BIN3: variants seen among roughly 807,000 people sequenced by gnomAD.
BIN3 encodes bridging integrator 3.
In BIN3, 41 loss-of-function variants were observed where a neutral mutation model predicts 38.2. That is an observed-to-expected ratio of 1.07 (90% CI 0.84 to 1.39). The LOEUF is 1.39. Ranked by LOEUF, BIN3 falls within the 40% of genes most tolerant of loss-of-function variation. BIN3 has a pLI of 0.00. For missense variants in BIN3, 361 were observed against 324.3 expected (o/e 1.11, Z -0.87); for synonymous variants, 145 against 122.6 (o/e 1.18, Z -1.21).
At chr8:22,667,252 C>T (rs559267786) in intron 1 of BIN3, among the ~76,000 whole-genome samples, 4 of 152,260 alleles carry the variant, frequency 2.6e-5, no homozygotes, top group South Asian at 2.1e-4. Context: ...TTGTCAATCT[C>T]AATTCTCTCC....
chr8:22,636,874 C>T (rs759752621), intron 3 of BIN3, 48 bp downstream of exon 3: 4 of 1,586,378 alleles, frequency 2.5e-6, no homozygotes, highest in Middle Eastern at 3.3e-4. Context: ...GCAGGGGGCC[C>T]TTGTCCCTCC....
chr8:22,625,452 G>A lies in BIN3; in HGVS notation c.339-1089C>T, dbSNP rs202182985. 17 of 701,908 alleles carry A rather than the reference G, an allele frequency of 2.4e-5. No homozygotes were observed. In the East Asian group the frequency reaches 3.5e-4, roughly 14 times the overall value. 43.5% of individuals were successfully genotyped at this position (701,908 alleles called of 1,614,324 possible). Reference sequence around the variant, plus strand: ...GAGGAACCCAGAGAGGAGGAAAGACGAGGGCAGGAAGCAGTTACTGAGACT... The same window carrying A: ...GAGGAACCCAGAGAGGAGGAAAGACAAGGGCAGGAAGCAGTTACTGAGACT... On this transcript the variant is annotated intron_variant, in intron 6 of 8. Coordinates refer to ENST00000276416, the MANE Select transcript of BIN3 (RefSeq NM_018688.6).
At chr8:22,663,828 A>T (rs931583920) in intron 1 of BIN3, among the ~76,000 whole-genome samples, 2 of 152,156 alleles carry the variant, frequency 1.3e-5, no homozygotes, top group Non-Finnish European at 2.9e-5. Flanking sequence ...CTCCCACTGA[A>T]ACAGCACGTA....
intron 1 of BIN3, among the ~76,000 whole-genome samples, chr8:22,645,186 G>A (rs1006840555): frequency 7.3e-5 from 11 of 150,086 alleles, no homozygotes; most frequent in Admixed American, 5.3e-4. Context: ...AAAAAAATCC[G>A]CTGGGTATGG....
At chr8:22,650,168 T>C (rs1802846295) in intron 1 of BIN3, among the ~76,000 whole-genome samples, 1 of 152,214 alleles carries the variant, frequency 6.6e-6, no homozygotes, top group Non-Finnish European at 1.5e-5. Context: ...TAGGTAAATC[T>C]TGGTGTGCAC....
Position 22,621,303 on chromosome 8 carries a change from C to T in BIN3, c.*119G>A, listed in dbSNP as rs183928789. ...GGAAGAGTCATTCATTGCAAAGGGC[C>T]GGCAAGTGAACCAGGGCCACCTCTG... is the stretch of plus-strand genomic sequence containing the variant. On this transcript the variant is annotated 3_prime_UTR_variant, in exon 9 of 9. Transcript: ENST00000276416. The T allele has an allele frequency of 2.7e-4, 370 of 1,347,432 alleles. No homozygotes were observed. In the Middle Eastern group the frequency reaches 5.9e-3, roughly 22 times the overall value. The allele number at this position is 1,347,432 out of a possible 1,614,324, so 83.5% of individuals were successfully genotyped here.
intron 4 of BIN3, among the ~76,000 whole-genome samples, chr8:22,633,287 C>T (rs4072394): frequency 0.61 from 92,318 of 151,872 alleles, 29,457 homozygotes; most frequent in South Asian, 0.73. Flanking sequence ...CTGGATGACA[C>T]AGTGTGACTC....
chr8:22,629,340 C>CT (rs1248583364), intron 6 of BIN3, among the ~76,000 whole-genome samples: 3 of 152,110 alleles, frequency 2.0e-5, no homozygotes, highest in Non-Finnish European at 1.5e-5. Flanking sequence ...TGATTCGGGG[C>CT]TTTAAGGCAC....
rs149987708 is a variant in BIN3 at position 22,629,608 on chromosome 8, G to A, written c.338+356C>T. ...AAGATGAAAGGCCTTGCTCATGTCC[G>A]CTGAGGGCTGGCCAAGATCTCTGCT... On this transcript the variant is annotated intron_variant, in intron 6 of 8. Coordinates refer to ENST00000276416, the MANE Select transcript of BIN3 (RefSeq NM_018688.6). 3.1e-3 allele frequency: 986 copies of A among 315,760 alleles called. 5 individuals are homozygous for A. Among genetic ancestry groups the A allele is most frequent in the Middle Eastern group, 5.7e-3 (6 of 1,052 alleles). The allele number at this position is 315,760 out of a possible 1,614,324, so 19.6% of individuals were successfully genotyped here. A position where few individuals can be genotyped will look rare whatever the true frequency, so the allele number is the denominator to read the frequency against.
chr8:22,638,618 T>G (rs1356481585), intron 2 of BIN3, among the ~76,000 whole-genome samples: 1 of 151,994 alleles, frequency 6.6e-6, no homozygotes, highest in Non-Finnish European at 1.5e-5. Flanking sequence ...CCAGAGAGAG[T>G]TGAACACAGA....
intron 1 of BIN3, among the ~76,000 whole-genome samples, chr8:22,652,073 CTT>C (rs1185102405): frequency 2.0e-5 from 3 of 149,596 alleles, no homozygotes; most frequent in African/African-American, 7.4e-5. Flanking sequence ...AAAATGGTAT[CTT>C]ATTTTTATTT....
intron 3 of BIN3, 98 bp from the exon 4 acceptor site, chr8:22,636,684 G>A (rs1032187942): frequency 2.3e-6 from 3 of 1,301,934 alleles, no homozygotes; most frequent in Non-Finnish European, 3.2e-6. Context: ...GGAGGAGAAA[G>A]GGATCTTCTC....
intron 2 of BIN3, among the ~76,000 whole-genome samples, chr8:22,643,781 C>T (rs532519063): frequency 3.9e-5 from 6 of 152,330 alleles, no homozygotes; most frequent in South Asian, 2.1e-4. Context: ...CAAGGAGAAC[C>T]GTCAGGGGCT....
At chr8:22,667,578 G>A (rs1012319249) in intron 1 of BIN3, among the ~76,000 whole-genome samples, 2 of 152,110 alleles carry the variant, frequency 1.3e-5, no homozygotes, top group South Asian at 2.1e-4. Flanking sequence ...CTGAAAGGAC[G>A]TAATTCCTCT....
Position 22,655,171 on chromosome 8 carries a change from C to T in BIN3, c.9-10368G>A, listed in dbSNP as rs538281757. On this transcript the variant is annotated intron_variant, in intron 1 of 8. Transcript: ENST00000276416. ...TTATTGTTGTTGAGTTGTAAGAGTTCTTTATATATTCTGGGTATTAGCCCA... is the reference window on the plus strand; with the variant it reads ...TTATTGTTGTTGAGTTGTAAGAGTTTTTTATATATTCTGGGTATTAGCCCA... Among the ~76,000 whole-genome samples, 4 of 152,262 alleles carry T rather than the reference C, an allele frequency of 2.6e-5. No individual in the cohort carries two copies. In the East Asian group the frequency reaches 7.7e-4, roughly 29 times the overall value.
rs955211685 is a variant in BIN3, at chr8:22,624,068, G to T, written c.481-19C>A. The stretch of plus-strand genomic sequence containing the variant: ...CTCGTGCCTAGGGAACAAGACCTGG[G>T]TGTCAAAACTCTCTCACTGCTGGGT... On this transcript the variant is annotated intron_variant, in intron 7 of 8. Transcript: ENST00000276416. 2 of 1,584,938 alleles carry T rather than the reference G, an allele frequency of 1.3e-6. No individual in the cohort carries two copies. The highest frequency in any genetic ancestry group is 1.1e-5 in the South Asian group (1 of 90,572).
chr8:22,632,334 G>A (rs187898755), intron 4 of BIN3, among the ~76,000 whole-genome samples: 1 of 152,280 alleles, frequency 6.6e-6, no homozygotes, highest in Admixed American at 6.5e-5. Flanking sequence ...GCAAAGCAGC[G>A]CTGAGCGGAC....
At chr8:22,665,809 G>C (rs1803399548) in intron 1 of BIN3, among the ~76,000 whole-genome samples, 1 of 152,172 alleles carries the variant, frequency 6.6e-6, no homozygotes. Context: ...AAACAAAAAG[G>C]ATCAAACATG....
At chr8:22,628,327 T>C (rs866859498) in intron 6 of BIN3, among the ~76,000 whole-genome samples, 19 of 152,176 alleles carry the variant, frequency 1.2e-4, no homozygotes, top group Non-Finnish European at 2.2e-4. Context: ...AGCTGGAGTT[T>C]CCTGTTTCCG....
Sources: allele counts gnomAD v4.1 joint callset (sites outside exome capture counted in the v4.1 genomes callset), GRCh38; gene constraint gnomAD v4.1.1; transcripts MANE v1.5; gene names NCBI Gene and HGNC (gene_info 2026-07-23, HGNC 2026-07-21).